TOGARAM1: variants seen among roughly 807,000 people sequenced by gnomAD.
The protein encoded by TOGARAM1 is TOG array regulator of axonemal microtubules protein 1.
Under a neutral mutation model 166.6 loss-of-function variants are expected in TOGARAM1, and 100 were observed. That is an observed-to-expected ratio of 0.60 (90% CI 0.51 to 0.71). The LOEUF is 0.71. Ranked by LOEUF, TOGARAM1 falls within the 30% of genes least tolerant of loss-of-function variation. The pLI, the probability that TOGARAM1 is intolerant of heterozygous loss-of-function variation, is 0.00. For missense variants in TOGARAM1, 2,029 were observed against 2,102.7 expected (o/e 0.96, Z 0.69); for synonymous variants, 758 against 763.8 (o/e 0.99, Z 0.13).
chr14:44,993,158 C>T (rs1401231968), intron 1 of TOGARAM1, among the ~76,000 whole-genome samples: 2 of 151,634 alleles, frequency 1.3e-5, no homozygotes, highest in African/African-American at 4.8e-5. Flanking sequence ...TGTGGTGGCA[C>T]ATGCCTATAG....
chr14:45,069,757 C>T (rs1416926548), intron 18 of TOGARAM1, among the ~76,000 whole-genome samples: 1 of 152,176 alleles, frequency 6.6e-6, no homozygotes, highest in Non-Finnish European at 1.5e-5. Flanking sequence ...ATCTCATACA[C>T]AGCTGGTGAG....
At chr14:45,028,035 G>A in intron 9 of TOGARAM1, 141 bp from the exon 10 acceptor site, 1 of 565,132 alleles carries the variant, frequency 1.8e-6, no homozygotes, top group Non-Finnish European at 3.1e-6. Flanking sequence ...ACATATATAT[G>A]TATGGGTATA....
chr14:44,983,736 T>C (rs1366468033), intron 1 of TOGARAM1, among the ~76,000 whole-genome samples: 1 of 152,240 alleles, frequency 6.6e-6, no homozygotes, highest in Non-Finnish European at 1.5e-5. Flanking sequence ...CTTGAGATTT[T>C]CCTTGGATGT....
intron 19 of TOGARAM1, among the ~76,000 whole-genome samples, chr14:45,072,834 T>C (rs1038935824): frequency 6.6e-6 from 1 of 151,736 alleles, no homozygotes; most frequent in African/African-American, 2.4e-5. Context: ...AAAACGTGAA[T>C]ACAAAGGGCC....
chr14:45,066,738 C>T lies in TOGARAM1; in HGVS notation c.4720C>T (p.Gln1574Ter). The T allele has an allele frequency of 1.2e-6, 2 of 1,612,850 alleles. No homozygotes were observed. The highest frequency in any genetic ancestry group is 1.7e-6 in the Non-Finnish European group (2 of 1,179,224). The change falls in exon 17 of 20, where the codon CAA becomes TAA. Residue 1574 changes from glutamine to a stop codon, truncating the protein, a stop_gained. Transcript: ENST00000361462. LOFTEE classifies it high-confidence loss of function. ...KQLLSDTENNQDLVVGNIVKI... is the reference protein window; with the variant it reads ...KQLLSDTENN The stretch of plus-strand genomic sequence containing the variant: ...GCTTTTATCAGATACAGAAAATAAT[C>T]AAGACCTTGTTGTTGGAAACATTGT...
chr14:45,048,124 C>A (rs571871135), intron 14 of TOGARAM1, among the ~76,000 whole-genome samples: 21 of 148,898 alleles, frequency 1.4e-4, no homozygotes, highest in Non-Finnish European at 1.5e-4. Context: ...GAGGCTGAGG[C>A]GGGCGGCTCA....
chr14:45,073,299 T>G lies in TOGARAM1; in HGVS notation c.5060T>G (p.Ile1687Ser). ...TTTTTATATTTTTATGTTTCAGATA[T>G]TGTTACGGAACTTTATCAAAGGAAG... ...KQDMTEKLADIVTELYQRKPH... is the reference protein window; with the variant it reads ...KQDMTEKLADSVTELYQRKPH... The change falls in exon 20 of 20, where the codon ATT becomes AGT. Residue 1687 changes from isoleucine to serine, a missense_variant. Physicochemically the swap from Ile to Ser is moderately radical, Grantham distance 142. This residue lies in a region of TOGARAM1 where 576 missense variants were observed against 670.5 expected (regional missense o/e 0.86). Transcript: ENST00000361462. The G allele has an allele frequency of 1.2e-6, 2 of 1,608,506 alleles. No homozygotes were observed. The highest frequency in any genetic ancestry group is 2.2e-5 in the South Asian group (2 of 89,618).
At chr14:45,052,756 A>G (rs1449150797) in intron 15 of TOGARAM1, among the ~76,000 whole-genome samples, 194 bp downstream of exon 15, 1 of 152,236 alleles carries the variant, frequency 6.6e-6, no homozygotes, top group Non-Finnish European at 1.5e-5. Flanking sequence ...TTGGAAGTAA[A>G]TGTTTATTGC....
In TOGARAM1 at chr14:44,962,314, G is replaced by T; in HGVS notation, c.-108G>T. 1 of 1,355,518 alleles carries T rather than the reference G, an allele frequency of 7.4e-7. No homozygotes were observed. The highest frequency in any genetic ancestry group is 2.6e-5 in the Admixed American group (1 of 38,520). 84.0% of individuals were successfully genotyped at this position (1,355,518 alleles called of 1,614,324 possible). A position where few individuals can be genotyped will look rare whatever the true frequency, so the allele number is the denominator to read the frequency against. ...GGCGGCAGGCTGAAGCTGTTCTTTT[G>T]CCTCTTCTGCAGCTTGGGGCTTGGA... On this transcript the variant is annotated 5_prime_UTR_variant, in exon 1 of 20. Coordinates refer to ENST00000361462, the MANE Select transcript of TOGARAM1 (RefSeq NM_001308120.2).
intron 6 of TOGARAM1, among the ~76,000 whole-genome samples, chr14:45,011,471 C>T (rs529211774): frequency 1.8e-4 from 27 of 152,134 alleles, no homozygotes; most frequent in African/African-American, 6.3e-4. Flanking sequence ...CACCGCCATG[C>T]CTGGTTAATT....
In TOGARAM1 at chr14:45,006,098, C is replaced by G; in HGVS notation, c.2735C>G (p.Pro912Arg). ...CGACGAGGTCTAAATGGGACAAAGC[C>G]TGTTCCTCCCATACCAAGGGGAATA... is the stretch of plus-strand genomic sequence containing the variant. ...SSRRGLNGTK[P>R]VPPIPRGISL... The change falls in exon 5 of 20, where the codon CCT (proline) becomes CGT (arginine). Residue 912 changes from proline (P) to arginine (R), a missense_variant. Coordinates refer to ENST00000361462, the MANE Select transcript of TOGARAM1 (RefSeq NM_001308120.2). 6.2e-7 allele frequency: 1 copy of G among 1,613,912 alleles called. No homozygotes were observed. The highest frequency in any genetic ancestry group is 8.5e-7 in the Non-Finnish European group (1 of 1,179,874).
chr14:44,977,851 T>C (rs1324341915), intron 1 of TOGARAM1, among the ~76,000 whole-genome samples: 1 of 152,094 alleles, frequency 6.6e-6, no homozygotes, highest in East Asian at 1.9e-4. Flanking sequence ...GGTTTCACCA[T>C]GTTGGCCAGG....
intron 8 of TOGARAM1, among the ~76,000 whole-genome samples, 167 bp downstream of exon 8, chr14:45,026,039 C>T (rs1880820265): frequency 6.6e-6 from 1 of 152,114 alleles, no homozygotes; most frequent in African/African-American, 2.4e-5. Context: ...TACTTACCTT[C>T]ACATTTCTAT....
intron 1 of TOGARAM1, among the ~76,000 whole-genome samples, chr14:44,992,998 C>T (rs1887228554): frequency 6.6e-6 from 1 of 151,528 alleles, no homozygotes; most frequent in African/African-American, 2.4e-5. Context: ...TGTAGTGGCT[C>T]ACGCCTGTAA....
chr14:45,066,468 T>C lies in TOGARAM1; in HGVS notation c.4560-110T>C, dbSNP rs1269856277. On this transcript the variant is annotated intron_variant, in intron 16 of 19. Transcript: ENST00000361462. The stretch of plus-strand genomic sequence containing the variant: ...ATGGGTTAGCCACAGTTTTTTGCAT[T>C]TTATGCATTTTGGAAAATGAATGCA... 50 of 1,008,928 alleles carry C rather than the reference T, an allele frequency of 5.0e-5. No homozygotes were observed. The Admixed American group carries it at 1.4e-3, about 28-fold the overall frequency. The allele number at this position is 1,008,928 out of a possible 1,614,324, so 62.5% of individuals were successfully genotyped here. A position where few individuals can be genotyped will look rare whatever the true frequency, so the allele number is the denominator to read the frequency against.
chr14:45,069,013 T>C (rs1883263047), intron 18 of TOGARAM1, among the ~76,000 whole-genome samples: 1 of 152,106 alleles, frequency 6.6e-6, no homozygotes, highest in African/African-American at 2.4e-5. Context: ...GAGTTAAATG[T>C]ACAACTTAAA....
At chr14:44,977,570 C>A (rs1173502580) in intron 1 of TOGARAM1, among the ~76,000 whole-genome samples, 1 of 152,098 alleles carries the variant, frequency 6.6e-6, no homozygotes, top group African/African-American at 2.4e-5. Context: ...ATTCATAGCT[C>A]TTCCTATGAG....
At position 45,008,938 on chromosome 14, in the gene TOGARAM1, G is replaced by A. The variant is rs145931350; in HGVS notation, c.2930G>A (p.Arg977His). The stretch of plus-strand genomic sequence containing the variant: ...ATGCATAGCTCTCTTAGGTCCCTTC[G>A]TAATAGTGCAGCTAAGAAAAGAGCA... ...EEMHSSLRSL[R>H]NSAAKKRAKL... Residue 977 changes from arginine to histidine, a missense_variant, in exon 6 of 20, where the codon CGT (arginine) becomes CAT (histidine). Physicochemically the swap from Arg to His is conservative, Grantham distance 29 (BLOSUM62 0). This residue lies in a region of TOGARAM1 where 1,453 missense variants were observed against 1,432.2 expected (regional missense o/e 1.01). Coordinates refer to ENST00000361462, the MANE Select transcript of TOGARAM1 (RefSeq NM_001308120.2). The A allele has an allele frequency of 1.5e-5, 24 of 1,613,674 alleles. No homozygotes were observed. The highest frequency in any genetic ancestry group is 5.3e-5 in the African/African-American group (4 of 74,850).
intron 16 of TOGARAM1, among the ~76,000 whole-genome samples, chr14:45,057,884 C>G (rs1020575066): frequency 6.6e-6 from 1 of 152,114 alleles, no homozygotes; most frequent in Non-Finnish European, 1.5e-5. Flanking sequence ...GAAGAATGTT[C>G]CATGTGCTGA....
Sources: allele counts gnomAD v4.1 joint callset (sites outside exome capture counted in the v4.1 genomes callset), GRCh38; gene constraint gnomAD v4.1.1; regional missense constraint gnomAD v4.1.1; transcripts MANE v1.5; gene names NCBI Gene and HGNC (gene_info 2026-07-23, HGNC 2026-07-21).